CCDC33: variants seen among roughly 807,000 people sequenced by gnomAD.
CCDC33 encodes the protein coiled-coil domain containing 33.
CCDC33 carries 94 observed loss-of-function variants against 91.9 expected under a neutral mutation model. The ratio of observed to expected loss-of-function variants is 1.02; its 90% CI spans 0.87 to 1.21. CCDC33 has a LOEUF of 1.21. CCDC33 is among the 50% of genes most tolerant of loss of function. The pLI is 0.00. For missense variants in CCDC33, 940 were observed against 935.5 expected, an observed-to-expected ratio of 1.00 and a Z score of -0.06; for synonymous variants, 396 against 374.5, an observed-to-expected ratio of 1.06 and a Z score of -0.66.
At chr15:74,334,160 A>G (rs1262546059) in intron 17 of CCDC33, among the ~76,000 whole-genome samples, 193 bp downstream of exon 17, 85 of 125,406 alleles carry the variant, frequency 6.8e-4, no homozygotes, top group South Asian at 1.8e-3. Flanking sequence ...TTCAGTGTGT[A>G]ACCAGGGTCA....
intron 2 of CCDC33, among the ~76,000 whole-genome samples, chr15:74,259,745 G>A (rs913146309): frequency 3.9e-5 from 6 of 152,306 alleles, no homozygotes; most frequent in East Asian, 1.9e-4. Context: ...AGGGTTGGGA[G>A]GATACGAGGA....
chr15:74,320,471 A>T (rs1404163448), intron 11 of CCDC33, among the ~76,000 whole-genome samples: 6 of 150,856 alleles, frequency 4.0e-5, no homozygotes, highest in African/African-American at 1.5e-4. Flanking sequence ...CCTGCCTCCC[A>T]CCGGGAACTC....
chr15:74,268,544 C>T, intron 5 of CCDC33, 86 bp downstream of exon 5: 1 of 1,026,290 alleles, frequency 9.7e-7, no homozygotes, highest in East Asian at 2.4e-5. Flanking sequence ...CCCTTAGCCC[C>T]CTCTGGCTGA....
upstream of CCDC33, among the ~76,000 whole-genome samples, chr15:74,216,836 C>T (rs2074460154): frequency 6.6e-6 from 1 of 151,210 alleles, no homozygotes; most frequent in South Asian, 2.1e-4. Context: ...AATCTTCTTC[C>T]TTGTCCCTGC....
intron 3 of CCDC33, among the ~76,000 whole-genome samples, chr15:74,266,431 G>T (rs574428560): frequency 2.6e-4 from 39 of 152,310 alleles, no homozygotes; most frequent in Non-Finnish European, 5.1e-4. Flanking sequence ...CTAGACCATG[G>T]GAGAAAATTG....
At chr15:74,212,649 A>T (rs982384639), upstream of CCDC33, 2 of 152,290 alleles carry the variant, frequency 1.3e-5, no homozygotes, top group East Asian at 1.9e-4. Context: ...TGTTTTTACT[A>T]CTTACTAGCT....
intron 2 of CCDC33, among the ~76,000 whole-genome samples, chr15:74,255,772 T>C (rs928584299): frequency 8.5e-5 from 13 of 152,066 alleles, no homozygotes; most frequent in African/African-American, 3.1e-4. Context: ...TCCCCCACTT[T>C]CCCCCCACAG....
In CCDC33 at chr15:74,321,633, G is replaced by A. The variant is rs189119517; in HGVS notation, c.1291-8556G>A. On this transcript the variant is annotated intron_variant, in intron 11 of 18. Transcript: ENST00000398814. ...CTAGGCTGGTCTTGAACTCCTGACCGTGAGTGATCCGCCCCCCTCGGCTCC... is the reference window on the plus strand; with the variant it reads ...CTAGGCTGGTCTTGAACTCCTGACCATGAGTGATCCGCCCCCCTCGGCTCC... Among the ~76,000 whole-genome samples, 47 of 152,146 alleles carry A rather than the reference G, an allele frequency of 3.1e-4. No individual in the cohort carries two copies. In the East Asian group the frequency reaches 5.6e-3, roughly 18 times the overall value.
chr15:74,230,868 C>T (rs2074949771), intron 2 of CCDC33, among the ~76,000 whole-genome samples: 1 of 152,178 alleles, frequency 6.6e-6, no homozygotes, highest in African/African-American at 2.4e-5. Context: ...TTGCCCAAAC[C>T]CTCACTCCGG....
At position 74,203,184 on chromosome 15, in the gene CCDC33, G is replaced by A. The variant is rs1352507393; in HGVS notation, n.89+86G>A. 1.5e-5 allele frequency: 15 copies of A among 984,588 alleles called. No homozygotes were observed. In the Admixed American group the frequency reaches 4.3e-4, roughly 28 times the overall value. 61.0% of individuals were successfully genotyped at this position (984,588 alleles called of 1,614,324 possible). A position where few individuals can be genotyped will look rare whatever the true frequency, so the allele number is the denominator to read the frequency against. ...CTTCTCCTAGGGTTTCCATGAAGGAGGCAACATGTGTCTCATTGGTAAACC... is the reference window on the plus strand; with the variant it reads ...CTTCTCCTAGGGTTTCCATGAAGGAAGCAACATGTGTCTCATTGGTAAACC... On this transcript the variant is annotated intron_variant and non_coding_transcript_variant, in intron 1 of 3. Coordinates refer to the CCDC33 transcript ENST00000558645.
rs1243426757 is a variant in CCDC33 at position 74,333,975 on chromosome 15, A to G, written c.2025+8A>G. ...CTGTCCCTGGAAAGCCAGGTGGGTG[A>G]GATGCAGGAGTTGATGAGGCTGGAT... On this transcript the variant is annotated splice_region_variant and intron_variant, in intron 17 of 18. Coordinates refer to ENST00000398814, the MANE Select transcript of CCDC33 (RefSeq NM_025055.5). The G allele has an allele frequency of 6.2e-7, 1 of 1,612,340 alleles. No individual in the cohort carries two copies. Among genetic ancestry groups the G allele is most frequent in the Non-Finnish European group, 8.5e-7 (1 of 1,178,766 alleles).
At chr15:74,206,220 T>C (rs1465907033) in intron 1 of CCDC33, among the ~76,000 whole-genome samples, 1 of 152,126 alleles carries the variant, frequency 6.6e-6, no homozygotes, top group African/African-American at 2.4e-5. Flanking sequence ...TGCCCCCTCC[T>C]GGCCCCCAGC....
chr15:74,309,594 A>T (rs933834525), intron 11 of CCDC33, among the ~76,000 whole-genome samples: 4 of 152,142 alleles, frequency 2.6e-5, no homozygotes, highest in Non-Finnish European at 5.9e-5. Flanking sequence ...TCTGTGAGCC[A>T]TGAAGAGCTT....
Position 74,280,734 on chromosome 15 carries a change from GT to G in CCDC33, c.959del (p.Leu320CysfsTer6), listed in dbSNP as rs778881464. 1.9e-6 allele frequency: 3 copies of G among 1,577,684 alleles called. No homozygotes were observed. In the East Asian group the frequency reaches 7.2e-5, roughly 38 times the overall value. ...ATCTCTGTGTTGCCGCTAAAGAGCC[GT>G]TTGTACCAGAAGATGCTGACAGGGA... ...LGISVLPLKS[R>X]LYQKMLTGKG... On this transcript the variant is annotated frameshift_variant, in exon 9 of 19. Coordinates refer to ENST00000398814, the MANE Select transcript of CCDC33 (RefSeq NM_025055.5). LOFTEE classifies it high-confidence loss of function.
intron 12 of CCDC33, 63 bp from the exon 13 acceptor site, chr15:74,330,600 A>G (rs2060410559): frequency 4.5e-6 from 6 of 1,342,030 alleles, no homozygotes; most frequent in Non-Finnish European, 6.4e-6. Flanking sequence ...CCTGCTACTG[A>G]CCATGCTGAT....
chr15:74,249,689 C>T (rs1007277276), intron 2 of CCDC33, among the ~76,000 whole-genome samples: 12 of 152,238 alleles, frequency 7.9e-5, no homozygotes, highest in African/African-American at 2.6e-4. Flanking sequence ...GGGAGAGACC[C>T]GTGCACTAGG....
chr15:74,258,330 T>A (rs1279490807), intron 2 of CCDC33, among the ~76,000 whole-genome samples: 1 of 152,024 alleles, frequency 6.6e-6, no homozygotes, highest in Non-Finnish European at 1.5e-5. Context: ...CCCTCCCCTT[T>A]CCTTTGCTCT....
intron 10 of CCDC33, among the ~76,000 whole-genome samples, chr15:74,287,546 G>T (rs2059498839): frequency 6.6e-6 from 1 of 152,206 alleles, no homozygotes; most frequent in Non-Finnish European, 1.5e-5. Flanking sequence ...GCTCTGGAGA[G>T]ATTAAATCTG....
At chr15:74,318,384 C>T (rs1016095831) in intron 11 of CCDC33, among the ~76,000 whole-genome samples, 4 of 152,126 alleles carry the variant, frequency 2.6e-5, no homozygotes, top group Admixed American at 1.3e-4. Context: ...GCCCTGCTGT[C>T]TCCATACAAT....
Sources: allele counts gnomAD v4.1 joint callset (sites outside exome capture counted in the v4.1 genomes callset), GRCh38; gene constraint gnomAD v4.1.1; transcripts MANE v1.5; gene names NCBI Gene and HGNC (gene_info 2026-07-23, HGNC 2026-07-21).